Variants in POLR3B observed in about 807,000 individuals in gnomAD.
POLR3B encodes DNA-directed RNA polymerase III subunit RPC2.
Under a neutral mutation model 147.4 loss-of-function variants are expected in POLR3B, and 96 were observed. The ratio of observed to expected loss-of-function variants is 0.65; its 90% CI spans 0.55 to 0.77. POLR3B has a LOEUF of 0.77. Ranked by LOEUF, POLR3B falls within the 30% of genes least tolerant of loss-of-function variation. The pLI, the probability that POLR3B is intolerant of heterozygous loss-of-function variation, is 0.00. For missense variants in POLR3B, 1,036 were observed against 1,413.5 expected, an observed-to-expected ratio of 0.73 and a Z score of 4.28; for synonymous variants, 461 against 485.9, an observed-to-expected ratio of 0.95 and a Z score of 0.67.
At chr12:106,381,332 C>CA (rs2036760636) in intron 9 of POLR3B, among the ~76,000 whole-genome samples, 1 of 152,214 alleles carries the variant, frequency 6.6e-6, no homozygotes, top group Non-Finnish European at 1.5e-5. Flanking sequence ...ATTTTACCCA[C>CA]AGTAGAACTT....
chr12:106,379,141 C>T (rs927316523), intron 8 of POLR3B, among the ~76,000 whole-genome samples: 9 of 152,170 alleles, frequency 5.9e-5, no homozygotes, highest in Non-Finnish European at 1.3e-4. Flanking sequence ...CCTCAGTCCT[C>T]CAAGATAAGT....
intron 23 of POLR3B, among the ~76,000 whole-genome samples, chr12:106,484,665 TATAAA>T (rs2038313103): frequency 6.6e-6 from 1 of 151,310 alleles, no homozygotes; most frequent in Admixed American, 6.6e-5. Flanking sequence ...TGAAGAATGA[TATAAA>T]AGAGTGGATG....
At position 106,363,893 on chromosome 12, in the gene POLR3B, AT is replaced by A; in HGVS notation, c.101del (p.Leu34Ter). On this transcript the variant is annotated frameshift_variant, in exon 2 of 28. Coordinates refer to ENST00000228347, the MANE Select transcript of POLR3B (RefSeq NM_018082.6). LOFTEE classifies it high-confidence loss of function. ...VEEKWRLLPA[F>X]LKVKGLVKQH... Reference sequence around the variant, plus strand: ...AGGAAAAATGGAGGCTGCTTCCAGCATTTTTAAAGGTAATTGTTTCACATTT... The same window carrying A: ...AGGAAAAATGGAGGCTGCTTCCAGCATTTTAAAGGTAATTGTTTCACATTT... The A allele has an allele frequency of 6.2e-7, 1 of 1,607,728 alleles. No homozygotes were observed. The highest frequency in any genetic ancestry group is 8.5e-7 in the Non-Finnish European group (1 of 1,174,714).
In POLR3B at chr12:106,478,191, G is replaced by A. The variant is rs536755187; in HGVS notation, c.2713+14571G>A. On this transcript the variant is annotated intron_variant, in intron 23 of 27. Coordinates refer to ENST00000228347, the MANE Select transcript of POLR3B (RefSeq NM_018082.6). ...CAAAGTGCTGGGATTACAGACGTGA[G>A]CCACCATGCCCGGCCAAAGCAGTGC... Among the ~76,000 whole-genome samples, 80 of 152,164 alleles carry A rather than the reference G, an allele frequency of 5.3e-4. No homozygotes were observed. In the South Asian group the frequency reaches 5.4e-3, roughly 10 times the overall value.
intron 11 of POLR3B, among the ~76,000 whole-genome samples, chr12:106,406,307 ATAAAT>A (rs2037150024): frequency 1.3e-5 from 2 of 152,238 alleles, no homozygotes; most frequent in African/African-American, 4.8e-5. Context: ...TGTTTTATAA[ATAAAT>A]TAAAATAAGC....
intron 19 of POLR3B, among the ~76,000 whole-genome samples, chr12:106,447,926 T>C (rs2037744400): frequency 6.6e-6 from 1 of 152,182 alleles, no homozygotes; most frequent in African/African-American, 2.4e-5. Context: ...TCCTTTATGT[T>C]CCGCACTTTA....
At chr12:106,497,013 C>A in intron 25 of POLR3B, 95 bp downstream of exon 25, 3 of 1,247,944 alleles carry the variant, frequency 2.4e-6, no homozygotes, top group Non-Finnish European at 3.5e-6. Context: ...AGTATACCTT[C>A]AGGCAAGCTT....
At chr12:106,449,452 T>C (rs552734978) in intron 19 of POLR3B, among the ~76,000 whole-genome samples, 9 of 152,290 alleles carry the variant, frequency 5.9e-5, no homozygotes, top group African/African-American at 1.9e-4. Flanking sequence ...TGTATAACTT[T>C]TGACTCCCCT....
intron 9 of POLR3B, 116 bp from the exon 10 acceptor site, chr12:106,392,915 G>A: frequency 1.5e-6 from 2 of 1,314,568 alleles, no homozygotes; most frequent in Non-Finnish European, 2.1e-6. Flanking sequence ...ATTTCTGAGA[G>A]AAGAGCTAGC....
chr12:106,462,448 G>C (rs1307454826), intron 22 of POLR3B, among the ~76,000 whole-genome samples: 1 of 152,076 alleles, frequency 6.6e-6, no homozygotes, highest in Non-Finnish European at 1.5e-5. Context: ...GGTTTCACAT[G>C]TTAGGCTGGT....
At chr12:106,482,098 A>G (rs1234436585) in intron 23 of POLR3B, among the ~76,000 whole-genome samples, 1 of 152,250 alleles carries the variant, frequency 6.6e-6, no homozygotes, top group African/African-American at 2.4e-5. Flanking sequence ...AAAATAATTT[A>G]TCTTTCTTCT....
chr12:106,432,219 T>G (rs1002693708), intron 14 of POLR3B, 99 bp from the exon 15 acceptor site: 3 of 1,082,846 alleles, frequency 2.8e-6, no homozygotes, highest in African/African-American at 1.5e-5. Flanking sequence ...TGTACTGCTT[T>G]GCATTGCTGC....
chr12:106,506,001 A>C (rs942226110), intron 27 of POLR3B, among the ~76,000 whole-genome samples: 3 of 152,198 alleles, frequency 2.0e-5, no homozygotes, highest in Non-Finnish European at 4.4e-5. Flanking sequence ...AGATCATTTC[A>C]CTTTAAAAAC....
At chr12:106,427,142 A>G in intron 12 of POLR3B, 55 bp from the exon 13 acceptor site, 1 of 1,145,132 alleles carries the variant, frequency 8.7e-7, no homozygotes, top group Non-Finnish European at 1.2e-6. Context: ...ATTTATTAAA[A>G]TAATCTAGCA....
At chr12:106,461,948 A>G (rs1193564652) in intron 22 of POLR3B, among the ~76,000 whole-genome samples, 1 of 152,128 alleles carries the variant, frequency 6.6e-6, no homozygotes, top group Non-Finnish European at 1.5e-5. Context: ...TCAGCTTCAT[A>G]TCAGCACTTG....
intron 12 of POLR3B, among the ~76,000 whole-genome samples, chr12:106,419,593 ATTAC>A (rs1314890612): frequency 6.6e-6 from 1 of 152,094 alleles, no homozygotes; most frequent in African/African-American, 2.4e-5. Context: ...TGCCCCCCAT[ATTAC>A]TTTAATGTTT....
chr12:106,404,528 A>C (rs2037123535), intron 10 of POLR3B, among the ~76,000 whole-genome samples: 1 of 152,140 alleles, frequency 6.6e-6, no homozygotes. Flanking sequence ...AATGATGTTG[A>C]GCCCTTATGT....
chr12:106,435,856 A>G (rs2037569795), intron 16 of POLR3B, among the ~76,000 whole-genome samples: 1 of 152,226 alleles, frequency 6.6e-6, no homozygotes, highest in South Asian at 2.1e-4. Context: ...AAACTCTTTT[A>G]TAGAAGCAAC....
chr12:106,489,724 T>C (rs2038384058), intron 23 of POLR3B, among the ~76,000 whole-genome samples: 1 of 152,206 alleles, frequency 6.6e-6, no homozygotes, highest in African/African-American at 2.4e-5. Context: ...CTTTCTAAAA[T>C]TGAGACAGTG....
Sources: gnomAD v4.1 joint callset for allele counts (sites outside exome capture counted in the v4.1 genomes callset) on GRCh38, gnomAD v4.1.1 for gene constraint, MANE v1.5 for transcripts, NCBI Gene and HGNC (gene_info 2026-07-23, HGNC 2026-07-21) for gene names.